NCALD: variants seen among roughly 807,000 people sequenced by gnomAD.
NCALD encodes neurocalcin delta.
Under a neutral mutation model 18.6 loss-of-function variants are expected in NCALD, and 10 were observed. That is an observed-to-expected ratio of 0.54 (90% CI 0.33 to 0.91). The LOEUF (loss-of-function observed/expected upper bound fraction) is 0.91, where lower values mean the gene tolerates loss of function less well. Ranked by LOEUF, NCALD falls within the 40% of genes least tolerant of loss-of-function variation. NCALD has a pLI of 0.03. For synonymous variants in NCALD, 88 were observed against 87.4 expected, an observed-to-expected ratio of 1.01 and a Z score of -0.04; for missense variants, 184 against 247.6, an observed-to-expected ratio of 0.74 and a Z score of 1.72.
chr8:101,821,881 TAAAAAAAAAAA>T (rs370878560), intron 4 of NCALD, among the ~76,000 whole-genome samples: 2 of 116,514 alleles, frequency 1.7e-5, no homozygotes, highest in Admixed American at 1.8e-4. Context: ...GGGTTCTAAG[TAAAAAAAAAAA>T]AAAAAAAAAA....
intron 1 of NCALD, among the ~76,000 whole-genome samples, chr8:101,781,678 C>G (rs1812018221): frequency 1.3e-5 from 2 of 152,128 alleles, no homozygotes; most frequent in South Asian, 4.1e-4. Flanking sequence ...ACCTTAGGGA[C>G]AGTACTAATC....
At chr8:101,868,626 T>C (rs73280837) in intron 4 of NCALD, among the ~76,000 whole-genome samples, 2,219 of 152,250 alleles carry the variant, frequency 0.015, 58 homozygotes, top group African/African-American at 0.049. Context: ...CAGCCTCTGA[T>C]TGGTTGCAGA....
At chr8:101,717,667 G>A (rs1348463919) in intron 2 of NCALD, among the ~76,000 whole-genome samples, 2 of 152,140 alleles carry the variant, frequency 1.3e-5, no homozygotes, top group South Asian at 2.1e-4. Context: ...ATTTTCCTGA[G>A]TGCTGCAGAC....
rs914454697 is a variant in NCALD, at chr8:101,959,223, A to AT, written c.-156-43366dup. Among the ~76,000 whole-genome samples the AT allele has an allele frequency of 1.9e-4, 29 of 150,668 alleles. No homozygotes were observed. In the East Asian group the frequency reaches 4.4e-3, roughly 23 times the overall value. On this transcript the variant is annotated intron_variant, in intron 2 of 6. Coordinates refer to the NCALD transcript ENST00000311028. ...CATTTTTGAAGATTACAGGCTAGTT[A>AT]TTTTTTTTTAATGGCCCTCAATTTG...
chr8:101,693,022 C>T, intron 2 of NCALD, 126 bp from the exon 3 acceptor site: 1 of 660,400 alleles, frequency 1.5e-6, no homozygotes, highest in South Asian at 1.7e-5. Context: ...AGTCCTACCC[C>T]TATTGATTGG....
At chr8:101,699,871 T>C (rs1426906602) in intron 2 of NCALD, among the ~76,000 whole-genome samples, 1 of 152,064 alleles carries the variant, frequency 6.6e-6, no homozygotes, top group African/African-American at 2.4e-5. Context: ...GGCACACGTA[T>C]ACAAACCAAC....
chr8:101,979,164 C>G (rs1586860604), intron 2 of NCALD, among the ~76,000 whole-genome samples: 1 of 152,080 alleles, frequency 6.6e-6, no homozygotes, highest in East Asian at 1.9e-4. Flanking sequence ...TGACCACTGG[C>G]AGGGGGACAC....
At chr8:101,838,727 C>T (rs1414634630) in intron 4 of NCALD, among the ~76,000 whole-genome samples, 2 of 152,140 alleles carry the variant, frequency 1.3e-5, no homozygotes, top group African/African-American at 4.8e-5. Context: ...TGGACTCATG[C>T]TTTTTGATTT....
At chr8:101,720,215 A>G (rs771937787) in intron 1 of NCALD, among the ~76,000 whole-genome samples, 7 of 152,230 alleles carry the variant, frequency 4.6e-5, no homozygotes, top group Non-Finnish European at 7.3e-5. Flanking sequence ...AATACCACCA[A>G]ACTCCAACAT....
chr8:101,869,590 C>A (rs556848748), intron 4 of NCALD, among the ~76,000 whole-genome samples: 5 of 152,272 alleles, frequency 3.3e-5, no homozygotes, highest in East Asian at 3.9e-4. Flanking sequence ...AGTCCTGCCA[C>A]AAAGAGCCAG....
intron 1 of NCALD, among the ~76,000 whole-genome samples, chr8:102,047,825 A>T (rs1204062537): frequency 6.6e-6 from 1 of 152,154 alleles, no homozygotes; most frequent in Non-Finnish European, 1.5e-5. Context: ...TCTAAAACCA[A>T]ATGTCTCTGT....
At chr8:102,026,703 C>G (rs1276922015) in intron 1 of NCALD, among the ~76,000 whole-genome samples, 5 of 152,146 alleles carry the variant, frequency 3.3e-5, no homozygotes, top group Non-Finnish European at 7.4e-5. Context: ...AATGGTGGCT[C>G]TCTTCTCACA....
chr8:101,721,694 C>T (rs1192660447), intron 1 of NCALD, among the ~76,000 whole-genome samples: 1 of 152,156 alleles, frequency 6.6e-6, no homozygotes, highest in Admixed American at 6.5e-5. Flanking sequence ...AATCCTCATT[C>T]ATTGCCAAGT....
chr8:101,809,744 C>A lies in NCALD; in HGVS notation c.-20+77397G>T, dbSNP rs1813238056. Among the ~76,000 whole-genome samples, 3 of 152,064 alleles carry A rather than the reference C, an allele frequency of 2.0e-5. No individual in the cohort carries two copies. In the South Asian group the frequency reaches 6.2e-4, roughly 32 times the overall value. ...ATTTTTAATAGAGACGGGGTTTCAC[C>A]ATGTTGGCCAGACTGGTCTTGAACT... On this transcript the variant is annotated intron_variant, in intron 4 of 6. Transcript: ENST00000311028.
At chr8:101,873,061 CTTTAT>C (rs1420470263) in intron 4 of NCALD, among the ~76,000 whole-genome samples, 5 of 152,232 alleles carry the variant, frequency 3.3e-5, no homozygotes, top group Non-Finnish European at 5.9e-5. Flanking sequence ...TTTTCTGCTG[CTTTAT>C]TTTATTTCAG....
At chr8:102,072,346 C>G (rs192554308) in intron 1 of NCALD, among the ~76,000 whole-genome samples, 1 of 152,076 alleles carries the variant, frequency 6.6e-6, no homozygotes, top group Non-Finnish European at 1.5e-5. Context: ...ACATTTAAAA[C>G]GACCCTTAAA....
intron 1 of NCALD, among the ~76,000 whole-genome samples, chr8:102,084,878 C>A (rs188926562): frequency 6.6e-6 from 1 of 152,174 alleles, no homozygotes; most frequent in Non-Finnish European, 1.5e-5. Flanking sequence ...ACTCCCTGAC[C>A]ATCACCTGAT....
rs76950526 is a variant in NCALD, at chr8:102,042,776, G to A, written c.-209-22487C>T. 2.7e-5 allele frequency among the ~76,000 whole-genome samples: 4 copies of A among 149,786 alleles called. No individual in the cohort carries two copies. In the East Asian group the frequency reaches 7.9e-4, roughly 30 times the overall value. ...ATGAAAACACCCCATGATCAGGGTG[G>A]CAAAGGGTAAGGGCAGAAAGCAGAG... On this transcript the variant is annotated intron_variant, in intron 1 of 6. Transcript: ENST00000311028.
At chr8:102,010,093 G>A (rs1821854208) in intron 2 of NCALD, among the ~76,000 whole-genome samples, 1 of 152,224 alleles carries the variant, frequency 6.6e-6, no homozygotes, top group African/African-American at 2.4e-5. Context: ...GTTGGGGAGG[G>A]CCCCACTGTG....
Sources: gnomAD v4.1 joint callset for allele counts (sites outside exome capture counted in the v4.1 genomes callset) on GRCh38, gnomAD v4.1.1 for gene constraint, MANE v1.5 for transcripts, NCBI Gene and HGNC (gene_info 2026-07-23, HGNC 2026-07-21) for gene names.